CCDC6: variants seen among roughly 807,000 people sequenced by gnomAD.
The protein encoded by CCDC6 is coiled-coil domain-containing protein 6.
Under a neutral mutation model 56.6 loss-of-function variants are expected in CCDC6, and 20 were observed. That is an observed-to-expected ratio of 0.35 (90% CI 0.25 to 0.51). CCDC6 has a LOEUF of 0.51. Among genes scored for constraint, CCDC6 ranks in the 20% least tolerant of loss-of-function variants. CCDC6 has a pLI of 0.95. For missense variants in CCDC6, 367 were observed against 601.1 expected (o/e 0.61, Z 4.07); for synonymous variants, 241 against 234.4 (o/e 1.03, Z -0.26).
chr10:59,797,671 A>T (rs1028968197), intron 7 of CCDC6, among the ~76,000 whole-genome samples: 4 of 121,324 alleles, frequency 3.3e-5, no homozygotes, highest in African/African-American at 1.7e-4. Context: ...AGAGAGAGAG[A>T]GAGTGAGAGT....
At chr10:59,900,045 C>T (rs2071493571) in intron 1 of CCDC6, among the ~76,000 whole-genome samples, 2 of 152,196 alleles carry the variant, frequency 1.3e-5, no homozygotes, top group Admixed American at 6.5e-5. Flanking sequence ...GAAACAAGTA[C>T]ATACATACCC....
intron 4 of CCDC6, among the ~76,000 whole-genome samples, chr10:59,813,497 A>G (rs1325009919): frequency 6.6e-6 from 1 of 152,194 alleles, no homozygotes; most frequent in Non-Finnish European, 1.5e-5. Context: ...ATTTGGCACT[A>G]ATACATGTAA....
In CCDC6 at chr10:59,852,582, T is replaced by C. The variant is rs1205186985; in HGVS notation, c.424A>G (p.Thr142Ala). ...ATCAATTTTCTGGAGAGCTCATTAG[T>C]GAGGAATTCTTCTTCTTTCTCATAA... The part of the protein sequence containing the change: ...VNYEKEEEFL[T>A]NELSRKLMQL... Residue 142 changes from threonine (T) to alanine (A), a missense_variant, in exon 2 of 9, where the codon ACT (threonine) becomes GCT (alanine). Transcript: ENST00000263102. 2 of 1,597,440 alleles carry C rather than the reference T, an allele frequency of 1.3e-6. No homozygotes were observed. The highest frequency in any genetic ancestry group is 1.7e-6 in the Non-Finnish European group (2 of 1,174,938).
At chr10:59,884,793 G>T (rs1410107719) in intron 1 of CCDC6, among the ~76,000 whole-genome samples, 1 of 152,228 alleles carries the variant, frequency 6.6e-6, no homozygotes, top group Non-Finnish European at 1.5e-5. Flanking sequence ...GCCCGGTGCA[G>T]TGGGTCATGC....
At chr10:59,871,838 C>G (rs2071233199) in intron 1 of CCDC6, among the ~76,000 whole-genome samples, 1 of 151,910 alleles carries the variant, frequency 6.6e-6, no homozygotes, top group Non-Finnish European at 1.5e-5. Context: ...TCCCCAAATT[C>G]AGTTGCTAAT....
chr10:59,807,408 T>G (rs1180568498), intron 5 of CCDC6, among the ~76,000 whole-genome samples: 5 of 152,054 alleles, frequency 3.3e-5, no homozygotes, highest in African/African-American at 4.8e-5. Flanking sequence ...CTGCTTGAAC[T>G]CAGGAGGTGG....
At chr10:59,816,640 C>T (rs2070711584) in intron 3 of CCDC6, among the ~76,000 whole-genome samples, 1 of 152,192 alleles carries the variant, frequency 6.6e-6, no homozygotes, top group Non-Finnish European at 1.5e-5. Flanking sequence ...ATTTGTAAAT[C>T]TAGGTAAACC....
intron 7 of CCDC6, among the ~76,000 whole-genome samples, chr10:59,802,209 T>C (rs1300235277): frequency 6.6e-6 from 1 of 152,218 alleles, no homozygotes; most frequent in Non-Finnish European, 1.5e-5. Context: ...TCTTTCTTAG[T>C]TTTAGGCTAT....
chr10:59,816,963 G>C (rs930679763), intron 3 of CCDC6, among the ~76,000 whole-genome samples: 1 of 152,110 alleles, frequency 6.6e-6, no homozygotes, highest in African/African-American at 2.4e-5. Flanking sequence ...ACAGTTCAAG[G>C]GCAAAAAGGA....
chr10:59,898,353 C>T (rs913272825), intron 1 of CCDC6, among the ~76,000 whole-genome samples: 10 of 152,222 alleles, frequency 6.6e-5, no homozygotes, highest in African/African-American at 2.4e-4. Flanking sequence ...AACAGCTCTC[C>T]CCATCTCTGC....
Position 59,852,663 on chromosome 10 carries a change from T to C in CCDC6, c.343A>G (p.Thr115Ala). 2 of 1,601,442 alleles carry C rather than the reference T, an allele frequency of 1.2e-6. No homozygotes were observed. The highest frequency in any genetic ancestry group is 1.7e-6 in the Non-Finnish European group (2 of 1,175,402). Reference sequence around the variant, plus strand: ...AAAGCCTGAATTTTCTTGAATAAAGTGTTACTAATGAATTCTTCTTCCTGC... The same window carrying C: ...AAAGCCTGAATTTTCTTGAATAAAGCGTTACTAATGAATTCTTCTTCCTGC... Reference protein sequence around the residue: ...AEQEEEFISNTLFKKIQALQK... With the variant: ...AEQEEEFISNALFKKIQALQK... The change falls in exon 2 of 9, where the codon ACT becomes GCT. Residue 115 changes from threonine (T) to alanine (A), a missense_variant. Thr to Ala is a moderately conservative substitution (Grantham distance 58, BLOSUM62 0). Around this residue, in one of 7 missense-constraint regions of CCDC6, gnomAD observed 41 missense variants for 90.8 expected, o/e 0.45. Transcript: ENST00000263102.
chr10:59,843,435 T>C (rs2070960123), intron 2 of CCDC6, among the ~76,000 whole-genome samples: 1 of 152,256 alleles, frequency 6.6e-6, no homozygotes, highest in African/African-American at 2.4e-5. Context: ...CATTTGAATG[T>C]CTACAAGAAA....
intron 1 of CCDC6, among the ~76,000 whole-genome samples, chr10:59,896,871 G>C (rs943111210): frequency 1.3e-5 from 2 of 152,082 alleles, no homozygotes; most frequent in East Asian, 1.9e-4. Context: ...TGCAAAAAAA[G>C]TCACTGGTAC....
Position 59,806,916 on chromosome 10 carries a change from A to C in CCDC6, c.1004+6T>G. On this transcript the variant is annotated splice_donor_region_variant and intron_variant, in intron 6 of 8. Transcript: ENST00000263102. ...CAAAAACAAGGCTCATAAGACATGCACACACCTTTCGTCGTCCATTTCTAA... is the reference window on the plus strand; with the variant it reads ...CAAAAACAAGGCTCATAAGACATGCCCACACCTTTCGTCGTCCATTTCTAA... 1.9e-6 allele frequency: 3 copies of C among 1,613,176 alleles called. No homozygotes were observed. In the Middle Eastern group the frequency reaches 5.0e-4, roughly 267 times the overall value.
chr10:59,903,591 C>T (rs1024495520), intron 1 of CCDC6, among the ~76,000 whole-genome samples: 3 of 151,948 alleles, frequency 2.0e-5, no homozygotes, highest in African/African-American at 7.3e-5. Context: ...CCTTTAGTGC[C>T]CAAGGACATG....
At chr10:59,826,109 C>T (rs896332598) in intron 3 of CCDC6, among the ~76,000 whole-genome samples, 4 of 152,132 alleles carry the variant, frequency 2.6e-5, no homozygotes, top group East Asian at 1.9e-4. Context: ...GAGGCTTGCA[C>T]AAGCCCTGGT....
At chr10:59,815,942 C>T (rs2070706803) in intron 3 of CCDC6, among the ~76,000 whole-genome samples, 1 of 152,166 alleles carries the variant, frequency 6.6e-6, no homozygotes, top group Admixed American at 6.5e-5. Flanking sequence ...AAAATAATAT[C>T]CAAAGTGCGG....
At position 59,792,085 on chromosome 10, in the gene CCDC6, A is replaced by G. The variant is rs535901914; in HGVS notation, c.*832T>C. The G allele has an allele frequency of 2.2e-5, 5 of 229,756 alleles. No homozygotes were observed. In the South Asian group the frequency reaches 5.3e-4, roughly 24 times the overall value. The allele number at this position is 229,756 out of a possible 1,614,324, so 14.2% of individuals were successfully genotyped here. A position where few individuals can be genotyped will look rare whatever the true frequency, so the allele number is the denominator to read the frequency against. ...GCCGCATTGTTTTTGTTACAATCACACTGCCTTCTGCAGCAGAAATCAAAT... is the reference window on the plus strand; with the variant it reads ...GCCGCATTGTTTTTGTTACAATCACGCTGCCTTCTGCAGCAGAAATCAAAT... On this transcript the variant is annotated 3_prime_UTR_variant, in exon 9 of 9. Coordinates refer to ENST00000263102, the MANE Select transcript of CCDC6 (RefSeq NM_005436.5).
chr10:59,872,892 A>G (rs964820921), intron 1 of CCDC6, among the ~76,000 whole-genome samples: 2 of 152,190 alleles, frequency 1.3e-5, no homozygotes, highest in African/African-American at 4.8e-5. Flanking sequence ...GTGAAAATCT[A>G]GCACAGGTCC....
Sources: allele counts gnomAD v4.1 joint callset (sites outside exome capture counted in the v4.1 genomes callset), GRCh38; gene constraint gnomAD v4.1.1; regional missense constraint gnomAD v4.1.1; transcripts MANE v1.5; gene names NCBI Gene and HGNC (gene_info 2026-07-23, HGNC 2026-07-21).